BTRC: variants seen among roughly 807,000 people sequenced by gnomAD.
The protein encoded by BTRC is F-box/WD repeat-containing protein 1A.
A neutral mutation model predicts 85.5 loss-of-function variants in BTRC; 42 were observed. The ratio of observed to expected loss-of-function variants is 0.49; its 90% confidence interval spans 0.38 to 0.64. BTRC has a LOEUF of 0.64. Ranked by LOEUF, BTRC falls within the 30% of genes least tolerant of loss-of-function variation. The probability of loss-of-function intolerance (pLI) is 0.00; values close to 1 mark genes in which losing one functional copy is unlikely to be tolerated. For synonymous variants in BTRC, 255 were observed against 263.3 expected, an observed-to-expected ratio of 0.97 and a Z score of 0.30; for missense variants, 594 against 743.5, an observed-to-expected ratio of 0.80 and a Z score of 2.34.
chr10:101,547,678 A>G (rs902030326), intron 13 of BTRC, among the ~76,000 whole-genome samples: 3 of 152,148 alleles, frequency 2.0e-5, no homozygotes, highest in African/African-American at 7.2e-5. Flanking sequence ...TAGCAATTTC[A>G]TGATTTCTAA....
At chr10:101,533,377 A>G (rs1353247946) in intron 9 of BTRC, among the ~76,000 whole-genome samples, 1 of 152,212 alleles carries the variant, frequency 6.6e-6, no homozygotes. Context: ...CTCACGGGGG[A>G]ATGATATGAA....
intron 5 of BTRC, among the ~76,000 whole-genome samples, chr10:101,524,821 A>G (rs2134383687): frequency 6.6e-6 from 1 of 152,314 alleles, no homozygotes. Flanking sequence ...CCATCTGCTT[A>G]TGCTTACATA....
rs1013778124 is a variant in BTRC at position 101,535,362 on chromosome 10, C to G, written c.1356C>G (p.Asn452Lys). The G allele has an allele frequency of 3.7e-6, 6 of 1,612,842 alleles. No homozygotes were observed. The African/African-American group carries it at 5.3e-5, about 14-fold the overall frequency. The part of the protein sequence containing the change: ...ASGDRTIKVW[N>K]TSTCEFVRTL... Reference sequence around the variant, plus strand: ...GCCATTTTCTTTTTCAGGTATGGAACACAAGTACTTGTGAATTTGTAAGGA... The same window carrying G: ...GCCATTTTCTTTTTCAGGTATGGAAGACAAGTACTTGTGAATTTGTAAGGA... Residue 452 changes from asparagine (N) to lysine (K), a missense_variant, in exon 11 of 15, where the codon AAC becomes AAG. Asn to Lys is a moderately conservative substitution (Grantham distance 94, BLOSUM62 0). This residue lies in a region of BTRC where 373 missense variants were observed against 503.6 expected (regional missense o/e 0.74). Transcript: ENST00000370187.
intron 1 of BTRC, among the ~76,000 whole-genome samples, chr10:101,386,887 T>C (rs1182284615): frequency 6.6e-6 from 1 of 152,222 alleles, no homozygotes; most frequent in African/African-American, 2.4e-5. Context: ...TATTTTCTAC[T>C]AGAGACTTTT....
intron 1 of BTRC, among the ~76,000 whole-genome samples, chr10:101,410,037 T>A (rs900399561): frequency 1.1e-4 from 16 of 152,238 alleles, no homozygotes; most frequent in African/African-American, 2.7e-4. Flanking sequence ...ACCAGCAATG[T>A]ATGAAGGTTC....
intron 2 of BTRC, among the ~76,000 whole-genome samples, chr10:101,432,809 C>G (rs557919243): frequency 2.0e-5 from 3 of 152,286 alleles, no homozygotes; most frequent in African/African-American, 4.8e-5. Flanking sequence ...CATCCTCTCC[C>G]CATGGAGTCA....
chr10:101,479,912 T>G (rs1945791008), intron 4 of BTRC, among the ~76,000 whole-genome samples: 1 of 152,230 alleles, frequency 6.6e-6, no homozygotes. Context: ...TTGATCTTGA[T>G]CCACATGGAC....
rs540857692 is a variant in BTRC, at chr10:101,529,241, C to G, written c.744-1996C>G. On this transcript the variant is annotated intron_variant, in intron 6 of 14. Transcript: ENST00000370187. The stretch of plus-strand genomic sequence containing the variant: ...ACAGAAGCCAGTTTTCAGTACCTAG[C>G]CACCTCTTTCTGTAACACTTTGATT... Among the ~76,000 whole-genome samples, 3 of 152,262 alleles carry G rather than the reference C, an allele frequency of 2.0e-5. No individual in the cohort carries two copies. In the East Asian group the frequency reaches 5.8e-4, roughly 29 times the overall value.
In BTRC at chr10:101,445,778, G is replaced by A. The variant is rs115285153; in HGVS notation, c.156+15326G>A. ...ATAGCCCCAGCAGAATTCCCCAGAG[G>A]CCTTGGACTCTCTTAATTTTGACAT... On this transcript the variant is annotated intron_variant, in intron 2 of 14. Coordinates refer to ENST00000370187, the MANE Select transcript of BTRC (RefSeq NM_033637.4). Among the ~76,000 whole-genome samples, 531 of 152,306 alleles carry A rather than the reference G, an allele frequency of 3.5e-3. 3 individuals are homozygous for A. The highest frequency in any genetic ancestry group is 0.012 in the African/African-American group (511 of 41,558).
chr10:101,498,695 AAAT>A (rs1946325952), intron 4 of BTRC, among the ~76,000 whole-genome samples: 1 of 152,110 alleles, frequency 6.6e-6, no homozygotes, highest in Admixed American at 6.5e-5. Flanking sequence ...TGGTGCTAGA[AAAT>A]AATAATAGCA....
chr10:101,510,361 T>C (rs907225022), intron 4 of BTRC, among the ~76,000 whole-genome samples: 8 of 151,540 alleles, frequency 5.3e-5, no homozygotes, highest in Non-Finnish European at 1.2e-4. Context: ...ACAAAAAAAT[T>C]TAGCCGAGCG....
intron 4 of BTRC, among the ~76,000 whole-genome samples, chr10:101,502,360 C>T (rs1370182644): frequency 6.6e-6 from 1 of 151,470 alleles, no homozygotes; most frequent in African/African-American, 2.4e-5. Flanking sequence ...TATGGGAAAA[C>T]ATTGTAGCAA....
intron 1 of BTRC, among the ~76,000 whole-genome samples, chr10:101,417,504 C>A (rs1039195178): frequency 6.6e-6 from 1 of 152,144 alleles, no homozygotes; most frequent in African/African-American, 2.4e-5. Context: ...ATGTGAATTT[C>A]TTCCAATATT....
intron 4 of BTRC, among the ~76,000 whole-genome samples, chr10:101,485,343 G>A (rs1945954091): frequency 6.6e-6 from 1 of 152,240 alleles, no homozygotes; most frequent in Admixed American, 6.5e-5. Flanking sequence ...AACAAAATGT[G>A]TTTAAAACTT....
intron 2 of BTRC, among the ~76,000 whole-genome samples, chr10:101,446,171 A>G (rs1485060687): frequency 7.5e-6 from 1 of 134,220 alleles, no homozygotes; most frequent in Non-Finnish European, 1.5e-5. Flanking sequence ...AGGTTTATTA[A>G]GCCATCCATG....
chr10:101,510,681 C>T (rs530819844), intron 4 of BTRC, among the ~76,000 whole-genome samples: 2 of 152,220 alleles, frequency 1.3e-5, no homozygotes, highest in South Asian at 4.2e-4. Flanking sequence ...ACTGTTGTAT[C>T]CCCATCCAGA....
In BTRC at chr10:101,400,097, T is replaced by C. The variant is rs115952020; in HGVS notation, c.49-30248T>C. Among the ~76,000 whole-genome samples the C allele has an allele frequency of 4.9e-3, 745 of 152,344 alleles. 8 individuals are homozygous for C. The highest frequency in any genetic ancestry group is 0.017 in the African/African-American group (701 of 41,582). ...TAAACTGGATGGGGAGGGTAGATAA[T>C]GTTCATTTTTGTTACTTACCAGGGA... On this transcript the variant is annotated intron_variant, in intron 1 of 14. Coordinates refer to ENST00000370187, the MANE Select transcript of BTRC (RefSeq NM_033637.4).
intron 4 of BTRC, among the ~76,000 whole-genome samples, chr10:101,503,044 A>G (rs774606784): frequency 6.6e-6 from 1 of 152,190 alleles, no homozygotes; most frequent in Non-Finnish European, 1.5e-5. Flanking sequence ...TATTGTAACT[A>G]TCACCATTTT....
chr10:101,413,429 T>C (rs757945591), intron 1 of BTRC, among the ~76,000 whole-genome samples: 3 of 152,244 alleles, frequency 2.0e-5, no homozygotes, highest in Non-Finnish European at 4.4e-5. Context: ...TTCTCCTGGC[T>C]CAGCCTCCCG....
Sources: gnomAD v4.1 joint callset for allele counts (sites outside exome capture counted in the v4.1 genomes callset) on GRCh38, gnomAD v4.1.1 for gene constraint, gnomAD v4.1.1 regional missense constraint, MANE v1.5 for transcripts, NCBI Gene and HGNC (gene_info 2026-07-23, HGNC 2026-07-21) for gene names.